The following DDX19A variants were observed in gnomAD, a reference collection of about 807,000 sequenced individuals.
The protein encoded by DDX19A is DEAD-box helicase 19A, also known as ATP-dependent RNA helicase DDX19A.
In DDX19A, 12 loss-of-function variants were observed where a neutral mutation model predicts 60.6. That is an observed-to-expected ratio of 0.20 (90% CI 0.13 to 0.32). The LOEUF is 0.32. DDX19A is among the 10% of genes least tolerant of loss of function. The probability of loss-of-function intolerance (pLI) is 1.00; values close to 1 mark genes in which losing one functional copy is unlikely to be tolerated. For missense variants in DDX19A, 337 were observed against 600.6 expected, an observed-to-expected ratio of 0.56 and a Z score of 4.59; for synonymous variants, 206 against 218.2, an observed-to-expected ratio of 0.94 and a Z score of 0.49.
chr16:70,369,120 G>A (rs1358641810), intron 9 of DDX19A, among the ~76,000 whole-genome samples: 2 of 150,680 alleles, frequency 1.3e-5, no homozygotes, highest in African/African-American at 4.9e-5. Context: ...GCCCGCCTCG[G>A]CCTCCCAAAG....
chr16:70,369,621 T>TTC (rs1491246640), intron 9 of DDX19A, among the ~76,000 whole-genome samples: 2 of 128,708 alleles, frequency 1.6e-5, no homozygotes, highest in Non-Finnish European at 3.1e-5. Flanking sequence ...TCTTTTCTTC[T>TTC]TTTTTTTTTT....
chr16:70,368,293 G>A (rs1050231831), intron 9 of DDX19A, among the ~76,000 whole-genome samples: 2 of 151,036 alleles, frequency 1.3e-5, no homozygotes, highest in Admixed American at 6.6e-5. Flanking sequence ...TTTTGAGACC[G>A]AGTCTATCTA....
chr16:70,356,351 T>C, intron 4 of DDX19A, 104 bp downstream of exon 4: 4 of 1,541,216 alleles, frequency 2.6e-6, no homozygotes, highest in Non-Finnish European at 3.5e-6. Context: ...AAAAATTTAG[T>C]GTATTTTTTC....
Position 70,366,164 on chromosome 16 carries a change from G to T in DDX19A, c.684G>T (p.Lys228Asn), listed in dbSNP as rs371184098. ...GTVLDWCSKLKFIDPKKIKVF... is the reference protein window; with the variant it reads ...GTVLDWCSKLNFIDPKKIKVF... ...TGCTGGACTGGTGCTCCAAGCTCAAGTTCATTGATCCCAAGAAAATCAAGG... is the reference window on the plus strand; with the variant it reads ...TGCTGGACTGGTGCTCCAAGCTCAATTTCATTGATCCCAAGAAAATCAAGG... The change falls in exon 8 of 12, where the codon AAG (lysine) becomes AAT (asparagine). Residue 228 changes from lysine to asparagine, a missense_variant. Transcript: ENST00000302243. 2.1e-5 allele frequency: 34 copies of T among 1,614,162 alleles called. No individual in the cohort carries two copies. The South Asian group carries it at 2.3e-4, about 11-fold the overall frequency.
At chr16:70,360,099 G>A (rs543330995) in intron 4 of DDX19A, among the ~76,000 whole-genome samples, 2 of 151,928 alleles carry the variant, frequency 1.3e-5, no homozygotes, top group Non-Finnish European at 2.9e-5. Context: ...TGGCCAACAT[G>A]GCGAAACCCT....
At position 70,364,625 on chromosome 16, in the gene DDX19A, C is replaced by G. The variant is rs773255031; in HGVS notation, c.469C>G (p.Pro157Ala). The G allele has an allele frequency of 1.9e-6, 3 of 1,614,100 alleles. No homozygotes were observed. The highest frequency in any genetic ancestry group is 4.5e-5 in the East Asian group (2 of 44,878). Residue 157 changes from proline (P) to alanine (A), a missense_variant, in exon 6 of 12, where the codon CCA becomes GCA. Transcript: ENST00000302243. ...FVLAMLSRVE[P>A]SDRYPQCLCL... ...CTTAGCCATGCTCAGCCGAGTGGAG[C>G]CATCAGACAGATACCCCCAGGTGAG...
chr16:70,359,134 A>T (rs553025975), intron 4 of DDX19A, among the ~76,000 whole-genome samples: 1 of 152,318 alleles, frequency 6.6e-6, no homozygotes, highest in Non-Finnish European at 1.5e-5. Context: ...AATGAAACCA[A>T]GATCACCTAA....
intron 2 of DDX19A, among the ~76,000 whole-genome samples, chr16:70,354,329 T>G (rs931550909): frequency 4.5e-4 from 69 of 152,192 alleles, no homozygotes; most frequent in African/African-American, 1.6e-3. Flanking sequence ...TATTTTTTAG[T>G]AGAGACAGGT....
At chr16:70,355,281 G>A (rs1964149131) in intron 2 of DDX19A, among the ~76,000 whole-genome samples, 3 of 152,060 alleles carry the variant, frequency 2.0e-5, no homozygotes, top group Admixed American at 6.6e-5. Context: ...CGGCTGAGGC[G>A]GGAGAATTGC....
chr16:70,353,129 C>T (rs1011648023), intron 2 of DDX19A, among the ~76,000 whole-genome samples: 52 of 144,676 alleles, frequency 3.6e-4, no homozygotes, highest in African/African-American at 1.3e-3. Flanking sequence ...TTCTTTCTTT[C>T]TTTTTTTTTT....
chr16:70,356,772 C>G (rs954643089), intron 4 of DDX19A: 2 of 750,004 alleles, frequency 2.7e-6, no homozygotes, highest in African/African-American at 3.7e-5. Context: ...CTATCCTGTT[C>G]TCTTGGTAGG....
intron 4 of DDX19A, among the ~76,000 whole-genome samples, chr16:70,357,631 G>A (rs1416500510): frequency 6.6e-6 from 1 of 151,598 alleles, no homozygotes; most frequent in African/African-American, 2.4e-5. Flanking sequence ...TGATCTGCCC[G>A]CCTCGGCCTC....
At chr16:70,348,557 G>A (rs1451812934) in intron 1 of DDX19A, among the ~76,000 whole-genome samples, 1 of 151,068 alleles carries the variant, frequency 6.6e-6, no homozygotes, top group Non-Finnish European at 1.5e-5. Context: ...AACCTGGGAG[G>A]TGGAGGTTGC....
At chr16:70,371,671 A>G in intron 11 of DDX19A, 108 bp downstream of exon 11, 1 of 702,670 alleles carries the variant, frequency 1.4e-6, no homozygotes, top group Non-Finnish European at 2.4e-6. Flanking sequence ...TCCCTAGCAC[A>G]CTCCCCTCCT....
intron 1 of DDX19A, among the ~76,000 whole-genome samples, chr16:70,348,875 G>A (rs1963931521): frequency 6.6e-6 from 1 of 152,066 alleles, no homozygotes; most frequent in South Asian, 2.1e-4. Flanking sequence ...AGCCTAGGGA[G>A]GTTGAGGCTG....
At chr16:70,348,584 G>A (rs947265593) in intron 1 of DDX19A, among the ~76,000 whole-genome samples, 2 of 140,138 alleles carry the variant, frequency 1.4e-5, no homozygotes, top group Non-Finnish European at 3.0e-5. Flanking sequence ...CCAAAATTAC[G>A]CCACTGCACT....
At chr16:70,364,404 A>T in intron 5 of DDX19A, 139 bp from the exon 6 acceptor site, 1 of 624,388 alleles carries the variant, frequency 1.6e-6, no homozygotes, top group Non-Finnish European at 2.9e-6. Context: ...GTATGAAAGT[A>T]ATTTGTGCTC....
intron 5 of DDX19A, 80 bp downstream of exon 5, chr16:70,361,590 A>G: frequency 8.6e-7 from 1 of 1,163,664 alleles, no homozygotes; most frequent in Non-Finnish European, 1.3e-6. Context: ...GCCTGAGAAC[A>G]GAAGGAGCTG....
intron 3 of DDX19A, 30 bp from the exon 4 acceptor site, chr16:70,356,082 T>C: frequency 1.2e-6 from 2 of 1,612,110 alleles, no homozygotes; most frequent in Non-Finnish European, 1.7e-6. Context: ...GCCAGATGAG[T>C]ATGAAGATCT....
Sources: allele counts gnomAD v4.1 joint callset (sites outside exome capture counted in the v4.1 genomes callset), GRCh38; gene constraint gnomAD v4.1.1; transcripts MANE v1.5; gene names NCBI Gene and HGNC (gene_info 2026-07-23, HGNC 2026-07-21).